Variants in FAM149A observed in about 807,000 individuals in gnomAD.
FAM149A encodes family with sequence similarity 149 member A.
FAM149A carries 71 observed loss-of-function variants against 78.2 expected under a neutral mutation model. The observed-to-expected ratio is 0.91, with a 90% confidence interval of 0.75 to 1.11. FAM149A has a LOEUF of 1.11. Among genes scored for constraint, FAM149A ranks in the 50% least tolerant of loss-of-function variants. FAM149A has a pLI of 0.00. For synonymous variants in FAM149A, 446 were observed against 410.5 expected (o/e 1.09, Z -1.04); for missense variants, 1,036 against 971.0 (o/e 1.07, Z -0.89).
At position 186,105,038 on chromosome 4, in the gene FAM149A, C is replaced by G. The variant is rs531419350; in HGVS notation, c.-39C>G. On this transcript the variant is annotated 5_prime_UTR_variant, in exon 1 of 14. Transcript: ENST00000389354. ...CGGCCGGATCTCCGCGGTCTGAACTCTCGGGCGGCGGCGAGGACGGCGTGT... is the reference window on the plus strand; with the variant it reads ...CGGCCGGATCTCCGCGGTCTGAACTGTCGGGCGGCGGCGAGGACGGCGTGT... 4.8e-6 allele frequency: 6 copies of G among 1,263,072 alleles called. No homozygotes were observed. In the African/African-American group the frequency reaches 6.4e-5, roughly 14 times the overall value. 78.2% of individuals were successfully genotyped at this position (1,263,072 alleles called of 1,614,324 possible).
At chr4:186,130,859 C>T (rs921496733) in intron 1 of FAM149A, among the ~76,000 whole-genome samples, 5 of 152,062 alleles carry the variant, frequency 3.3e-5, no homozygotes, top group Non-Finnish European at 7.4e-5. Context: ...CCTATTTGTA[C>T]ATGGATGTTT....
At chr4:186,131,477 C>T (rs1178561668) in intron 1 of FAM149A, among the ~76,000 whole-genome samples, 1 of 152,236 alleles carries the variant, frequency 6.6e-6, no homozygotes, top group East Asian at 1.9e-4. Flanking sequence ...AAGAACCAAA[C>T]CAGCTGGCAC....
At chr4:186,153,834 G>A in intron 5 of FAM149A, 64 bp downstream of exon 5, 1 of 1,531,940 alleles carries the variant, frequency 6.5e-7, no homozygotes, top group South Asian at 1.2e-5. Flanking sequence ...ACTTTTTCAT[G>A]TTTATCTCAT....
intron 1 of FAM149A, among the ~76,000 whole-genome samples, chr4:186,148,493 G>A (rs1041460885): frequency 6.6e-6 from 1 of 152,148 alleles, no homozygotes; most frequent in Admixed American, 6.5e-5. Context: ...ATTTTGACTA[G>A]AGGAAGTAAA....
intron 13 of FAM149A, chr4:186,169,343 C>T (rs1393193557): frequency 9.1e-6 from 9 of 985,406 alleles, no homozygotes; most frequent in African/African-American, 3.5e-5. Flanking sequence ...AGAGAGAACG[C>T]GGCTCAAAGG....
intron 5 of FAM149A, 98 bp from the exon 6 acceptor site, chr4:186,154,370 G>A: frequency 9.6e-7 from 1 of 1,046,478 alleles, no homozygotes; most frequent in Non-Finnish European, 1.4e-6. Flanking sequence ...GGGGGATTCT[G>A]TACTTTACAG....
chr4:186,166,593 G>T (rs534240295), intron 11 of FAM149A, among the ~76,000 whole-genome samples: 1 of 146,862 alleles, frequency 6.8e-6, no homozygotes, highest in African/African-American at 2.5e-5. Flanking sequence ...CAAGGTTGCA[G>T]TGAGCCGCGA....
intron 1 of FAM149A, chr4:186,110,126 A>G: frequency 1.0e-6 from 1 of 985,458 alleles, no homozygotes; most frequent in Non-Finnish European, 1.2e-6. Flanking sequence ...AAGGGAACAC[A>G]TGCCCATAAA....
intron 4 of FAM149A, chr4:186,153,177 A>T (rs1253206731): frequency 1.3e-6 from 1 of 791,782 alleles, no homozygotes. Flanking sequence ...GCTGTCTTAC[A>T]TCATTGATAG....
At position 186,164,367 on chromosome 4, in the gene FAM149A, C is replaced by G. The variant is rs1228812236; in HGVS notation, c.1889+734C>G. On this transcript the variant is annotated intron_variant, in intron 10 of 13. Coordinates refer to ENST00000389354, the MANE Select transcript of FAM149A (RefSeq NM_001367768.3). The surrounding 1 kb of genome is among the most constrained non-coding windows in gnomAD (Gnocchi z 4.0). ...CAGGAAGAGGCCCAGCCGGACACAC[C>G]CACAAGTGCTCTCAGGCTTTAGAGA... 1.6e-6 allele frequency: 1 copy of G among 618,832 alleles called. No homozygotes were observed. The highest frequency in any genetic ancestry group is 2.0e-5 in the African/African-American group (1 of 49,824). 38.3% of individuals were successfully genotyped at this position (618,832 alleles called of 1,614,324 possible). A position where few individuals can be genotyped will look rare whatever the true frequency, so the allele number is the denominator to read the frequency against.
rs80331478 is a variant in FAM149A, at chr4:186,123,379, T to A, written c.566+17737T>A. 114 of 985,344 alleles carry A rather than the reference T, an allele frequency of 1.2e-4. No individual in the cohort carries two copies. In the East Asian group the frequency reaches 9.7e-3, roughly 84 times the overall value. 61.0% of individuals were successfully genotyped at this position (985,344 alleles called of 1,614,324 possible). A position where few individuals can be genotyped will look rare whatever the true frequency, so the allele number is the denominator to read the frequency against. On this transcript the variant is annotated intron_variant, in intron 1 of 13. Transcript: ENST00000389354. Reference sequence around the variant, plus strand: ...TGGGTGAATTTTCGTCTCATGGACATGTGCTGATGTTGGGAGACAGTTCTC... The same window carrying A: ...TGGGTGAATTTTCGTCTCATGGACAAGTGCTGATGTTGGGAGACAGTTCTC...
At chr4:186,116,356 G>A in intron 1 of FAM149A, 1 of 469,068 alleles carries the variant, frequency 2.1e-6, no homozygotes, top group Non-Finnish European at 2.8e-6. Context: ...CCCGTCTTCT[G>A]TGTCACTCAC....
At position 186,136,964 on chromosome 4, in the gene FAM149A, T is replaced by TTCTCTCTCTCTCTCTC. The variant is rs1386094089; in HGVS notation, c.567-12198_567-12197insCTCTCTCTCTCTCTCT. Among the ~76,000 whole-genome samples the TTCTCTCTCTCTCTCTC allele has an allele frequency of 2.0e-4, 19 of 97,106 alleles. No homozygotes were observed. In the South Asian group the frequency reaches 2.6e-3, roughly 13 times the overall value. The allele number at this position is 97,106 out of a possible 152,430, so 63.7% of individuals were successfully genotyped here. On this transcript the variant is annotated intron_variant, in intron 1 of 13. Coordinates refer to ENST00000389354, the MANE Select transcript of FAM149A (RefSeq NM_001367768.3). ...TCTCTCTCTCTCTCTCTCTCTCTCT[T>TTCTCTCTCTCTCTCTC]TCTCTCTCTCTTTCTCTCTCTCTCT... is the stretch of plus-strand genomic sequence containing the variant.
At chr4:186,116,399 T>C (rs34457547) in intron 1 of FAM149A, 266,339 of 928,256 alleles carry the variant, frequency 0.29, 38,825 homozygotes, top group East Asian at 0.52. Flanking sequence ...TGTTCCTATT[T>C]GGCCATCTTG....
rs559154494 is a variant in FAM149A, at chr4:186,158,055, G to A, written c.1575+336G>A. Reference sequence around the variant, plus strand: ...ATGGCATCTCTGTCATAAATCTGAAGGGACCTGGGAGAAGCTGCTGCTGGC... The same window carrying A: ...ATGGCATCTCTGTCATAAATCTGAAAGGACCTGGGAGAAGCTGCTGCTGGC... On this transcript the variant is annotated intron_variant, in intron 8 of 13. Coordinates refer to ENST00000389354, the MANE Select transcript of FAM149A (RefSeq NM_001367768.3). 2.2e-6 allele frequency: 3 copies of A among 1,380,202 alleles called. No homozygotes were observed. In the African/African-American group the frequency reaches 4.3e-5, roughly 20 times the overall value. 85.5% of individuals were successfully genotyped at this position (1,380,202 alleles called of 1,614,324 possible).
rs1444876974 is a variant in FAM149A at position 186,105,668 on chromosome 4, G to A, written c.566+26G>A. On this transcript the variant is annotated intron_variant, in intron 1 of 13. Transcript: ENST00000389354. ...GTGAGTAGCAGCGTGGTCCGGGCGC[G>A]TGTACCTTTTGCCGGGACCCCCGAC... The A allele has an allele frequency of 2.2e-5, 23 of 1,043,090 alleles. No homozygotes were observed. In the East Asian group the frequency reaches 2.2e-3, roughly 102 times the overall value. 64.6% of individuals were successfully genotyped at this position (1,043,090 alleles called of 1,614,324 possible).
At chr4:186,107,370 A>C (rs2099309207) in intron 1 of FAM149A, 1 of 152,234 alleles carries the variant, frequency 6.6e-6, no homozygotes, top group Non-Finnish European at 1.5e-5. Flanking sequence ...GATTATTCTG[A>C]ATTAACAAAT....
intron 1 of FAM149A, chr4:186,126,074 G>A (rs2099318206): frequency 1.0e-6 from 1 of 985,148 alleles, no homozygotes; most frequent in Admixed American, 6.2e-5. Flanking sequence ...TGTGGGATCT[G>A]GACGCTTGTT....
chr4:186,169,983 A>G (rs1735390178), intron 13 of FAM149A: 1 of 967,338 alleles, frequency 1.0e-6, no homozygotes, highest in Non-Finnish European at 1.2e-6. Context: ...CCCCTCCTTA[A>G]CCATTTTTTT....
Sources: allele counts gnomAD v4.1 joint callset (sites outside exome capture counted in the v4.1 genomes callset), GRCh38; gene constraint gnomAD v4.1.1; non-coding constraint Gnocchi (gnomAD v3.1); transcripts MANE v1.5; gene names NCBI Gene and HGNC (gene_info 2026-07-23, HGNC 2026-07-21).